The following TLL1 variants were observed in gnomAD, a reference collection of about 807,000 sequenced individuals.
The protein encoded by TLL1 is tolloid-like protein 1.
Under a neutral mutation model 128.2 loss-of-function variants are expected in TLL1, and 49 were observed. That is an observed-to-expected ratio of 0.38 (90% CI 0.30 to 0.48). TLL1 has a LOEUF of 0.48. TLL1 is among the 20% of genes least tolerant of loss of function. TLL1 has a pLI of 0.96. For missense variants in TLL1, 1,123 were observed against 1,242.0 expected (o/e 0.90, Z 1.44); for synonymous variants, 454 against 418.8 (o/e 1.08, Z -1.03).
chr4:165,948,132 G>C (rs1466644769), intron 1 of TLL1, among the ~76,000 whole-genome samples: 1 of 152,138 alleles, frequency 6.6e-6, no homozygotes, highest in East Asian at 1.9e-4. Flanking sequence ...TTGCTGACCT[G>C]TACGTGGATA....
intron 1 of TLL1, among the ~76,000 whole-genome samples, chr4:165,961,948 C>T (rs1030436045): frequency 1.2e-4 from 18 of 151,936 alleles, no homozygotes; most frequent in Non-Finnish European, 2.1e-4. Flanking sequence ...AACTAGACAT[C>T]GAAGAAACAT....
chr4:165,991,475 C>T lies in TLL1; in HGVS notation c.281-1329C>T, dbSNP rs1458531309. Among the ~76,000 whole-genome samples the T allele has an allele frequency of 2.0e-5, 3 of 152,008 alleles. No individual in the cohort carries two copies. In the East Asian group the frequency reaches 5.8e-4, roughly 29 times the overall value. ...TAGGAATGAATGTATTTAAGTATTACCTCATCTTTCTAAAATGTGCAATGA... is the reference window on the plus strand; with the variant it reads ...TAGGAATGAATGTATTTAAGTATTATCTCATCTTTCTAAAATGTGCAATGA... On this transcript the variant is annotated intron_variant, in intron 2 of 20. Coordinates refer to ENST00000061240, the MANE Select transcript of TLL1 (RefSeq NM_012464.5).
chr4:166,041,152 C>A (rs751125694), intron 10 of TLL1, among the ~76,000 whole-genome samples: 1 of 152,062 alleles, frequency 6.6e-6, no homozygotes, highest in African/African-American at 2.4e-5. Context: ...CAGATATAAT[C>A]TACAGATTAT....
chr4:166,060,061 G>A lies in TLL1; in HGVS notation c.1880G>A (p.Gly627Asp), dbSNP rs1423406007. 1 of 1,613,270 alleles carries A rather than the reference G, an allele frequency of 6.2e-7. No homozygotes were observed. Among genetic ancestry groups the A allele is most frequent in the Non-Finnish European group, 8.5e-7 (1 of 1,179,806 alleles). ...ACGGLLTKLN[G>D]TITTPGWPKE... ...GGTGGACTTCTTACCAAACTTAACG[G>A]CACCATAACCACCCCTGGCTGGCCC... is the stretch of plus-strand genomic sequence containing the variant. The change falls in exon 15 of 21, where the codon GGC becomes GAC. Residue 627 changes from glycine (G) to aspartate (D), a missense_variant. This residue lies in a region of TLL1 where 634 missense variants were observed against 672.4 expected (regional missense o/e 0.94). Transcript: ENST00000061240.
intron 15 of TLL1, among the ~76,000 whole-genome samples, chr4:166,061,238 CT>C (rs1204049312): frequency 0.042 from 6,027 of 143,100 alleles, 311 homozygotes; most frequent in African/African-American, 0.13. Context: ...TCCTCCTTTC[CT>C]TTTTTTTTTT....
chr4:166,009,575 T>A (rs1737588118), intron 7 of TLL1, among the ~76,000 whole-genome samples: 1 of 151,484 alleles, frequency 6.6e-6, no homozygotes, highest in Non-Finnish European at 1.5e-5. Context: ...TTATTACTTA[T>A]CTTATTGTTT....
Position 166,060,191 on chromosome 4 carries a change from A to C in TLL1, c.2007+3A>C. On this transcript the variant is annotated splice_donor_region_variant and intron_variant, in intron 15 of 20. Transcript: ENST00000061240. ...TTTTTGAATTGGAAGGCAATGAAGT[A>C]AGTGAACAATAACTGTAATTTTTTA... The C allele has an allele frequency of 6.2e-7, 1 of 1,613,608 alleles. No individual in the cohort carries two copies. Among genetic ancestry groups the C allele is most frequent in the Non-Finnish European group, 8.5e-7 (1 of 1,179,738 alleles).
Position 165,873,922 on chromosome 4 carries a change from T to G in TLL1, c.18T>G (p.Leu6=). 1 of 1,614,036 alleles carries G rather than the reference T, an allele frequency of 6.2e-7. No individual in the cohort carries two copies. The highest frequency in any genetic ancestry group is 1.3e-5 in the African/African-American group (1 of 75,042). The part of the protein sequence containing the change: MGLGT[L]SPRMLVWLVA... The stretch of plus-strand genomic sequence containing the variant: ...GGAGGAGGATGGGGTTGGGAACGCT[T>G]TCCCCGAGGATGCTCGTGTGGCTGG... Residue 6 remains leucine, a synonymous_variant, in exon 1 of 21, where the codon CTT becomes CTG. Coordinates refer to ENST00000061240, the MANE Select transcript of TLL1 (RefSeq NM_012464.5).
intron 1 of TLL1, among the ~76,000 whole-genome samples, chr4:165,898,223 C>G (rs1419084262): frequency 6.6e-6 from 1 of 152,176 alleles, no homozygotes; most frequent in East Asian, 1.9e-4. Context: ...TGCTTTATTT[C>G]TTTCTCTTGC....
At chr4:165,924,694 T>G (rs888883495) in intron 1 of TLL1, among the ~76,000 whole-genome samples, 1 of 152,236 alleles carries the variant, frequency 6.6e-6, no homozygotes, top group Non-Finnish European at 1.5e-5. Flanking sequence ...ATATTTTCAA[T>G]GTAGATGGAG....
chr4:166,088,584 C>T (rs1335987433), intron 18 of TLL1, among the ~76,000 whole-genome samples: 2 of 152,040 alleles, frequency 1.3e-5, no homozygotes, highest in African/African-American at 2.4e-5. Context: ...ACCACCCAGC[C>T]TTGGCATTTG....
chr4:166,016,406 A>G (rs1291319197), intron 8 of TLL1, among the ~76,000 whole-genome samples: 2 of 152,108 alleles, frequency 1.3e-5, no homozygotes, highest in East Asian at 3.9e-4. Context: ...GTCTACATAC[A>G]TTACATTTGA....
intron 1 of TLL1, among the ~76,000 whole-genome samples, chr4:165,892,737 T>C (rs1731484082): frequency 6.6e-6 from 1 of 152,364 alleles, no homozygotes; most frequent in South Asian, 2.1e-4. Context: ...TATTCTAAAC[T>C]ACTTCACATG....
intron 19 of TLL1, among the ~76,000 whole-genome samples, chr4:166,096,570 A>G (rs867329517): frequency 1.3e-5 from 2 of 151,710 alleles, no homozygotes; most frequent in Non-Finnish European, 2.9e-5. Context: ...CTTCTTCTGG[A>G]TCCTGGTCTT....
intron 17 of TLL1, 88 bp from the exon 18 acceptor site, chr4:166,077,815 C>T: frequency 1.3e-6 from 2 of 1,583,490 alleles, no homozygotes; most frequent in Admixed American, 3.4e-5. Flanking sequence ...AATCTTTCAA[C>T]AGGGCAGTGG....
At chr4:165,926,701 T>C (rs942043324) in intron 1 of TLL1, among the ~76,000 whole-genome samples, 11 of 152,168 alleles carry the variant, frequency 7.2e-5, no homozygotes, top group Admixed American at 7.2e-4. Context: ...TAAGCCAGAG[T>C]GGACAGTTGC....
At chr4:165,883,915 C>T (rs1406852597) in intron 1 of TLL1, among the ~76,000 whole-genome samples, 1 of 152,162 alleles carries the variant, frequency 6.6e-6, no homozygotes, top group Non-Finnish European at 1.5e-5. Flanking sequence ...ATTTTCAATT[C>T]ACGTTGACTA....
chr4:165,891,742 C>T (rs1731416272), intron 1 of TLL1, among the ~76,000 whole-genome samples: 1 of 152,172 alleles, frequency 6.6e-6, no homozygotes, highest in Non-Finnish European at 1.5e-5. Flanking sequence ...TCCAAACTTT[C>T]CCACATCTTC....
At chr4:166,065,648 C>T (rs752533735) in intron 15 of TLL1, 35 bp from the exon 16 acceptor site, 1 of 1,605,210 alleles carries the variant, frequency 6.2e-7, no homozygotes, top group South Asian at 1.1e-5. Flanking sequence ...CTTGTACTCA[C>T]AAATCTGGCA....
Sources: allele counts gnomAD v4.1 joint callset (sites outside exome capture counted in the v4.1 genomes callset), GRCh38; gene constraint gnomAD v4.1.1; regional missense constraint gnomAD v4.1.1; transcripts MANE v1.5; gene names NCBI Gene and HGNC (gene_info 2026-07-23, HGNC 2026-07-21).